FHAD1: variants seen among roughly 807,000 people sequenced by gnomAD.
FHAD1 encodes the protein forkhead associated phosphopeptide binding domain 1.
A neutral mutation model predicts 191.3 loss-of-function variants in FHAD1; 146 were observed. The ratio of observed to expected loss-of-function variants is 0.76; its 90% CI spans 0.67 to 0.88. FHAD1 has a LOEUF of 0.88. Ranked by LOEUF, FHAD1 falls within the 40% of genes least tolerant of loss-of-function variation. The probability of loss-of-function intolerance (pLI) is 0.00; values close to 1 mark genes in which losing one functional copy is unlikely to be tolerated. For synonymous variants in FHAD1, 616 were observed against 672.3 expected (o/e 0.92, Z 1.29); for missense variants, 1,635 against 1,785.8 (o/e 0.92, Z 1.52).
chr1:15,251,969 T>A (rs1646831399), intron 2 of FHAD1, 92 bp downstream of exon 2: 2 of 1,045,442 alleles, frequency 1.9e-6, no homozygotes, highest in South Asian at 1.6e-5. Context: ...CTCCAGTCTC[T>A]TGTACACCAC....
At chr1:15,284,886 C>T (rs1046320559) in intron 3 of FHAD1, among the ~76,000 whole-genome samples, 4 of 151,526 alleles carry the variant, frequency 2.6e-5, no homozygotes, top group Admixed American at 6.6e-5. Context: ...AAAACCACCA[C>T]GCCACACACC....
intron 28 of FHAD1, among the ~76,000 whole-genome samples, chr1:15,377,826 T>G (rs1700008192): frequency 6.6e-6 from 1 of 151,302 alleles, no homozygotes; most frequent in Admixed American, 6.6e-5. Context: ...AATGAGACTT[T>G]GTCTCAAAAA....
chr1:15,382,234 C>G (rs951223195), intron 31 of FHAD1, 41 bp downstream of exon 31: 7 of 1,539,662 alleles, frequency 4.5e-6, no homozygotes, highest in Non-Finnish European at 4.4e-6. Flanking sequence ...CCAGGCTGCC[C>G]TGCAGCTCCC....
Position 15,382,143 on chromosome 1 carries a change from C to T in FHAD1, c.4138C>T (p.His1380Tyr). 1 of 1,552,044 alleles carries T rather than the reference C, an allele frequency of 6.4e-7. No individual in the cohort carries two copies. Among genetic ancestry groups the T allele is most frequent in the African/African-American group, 1.4e-5 (1 of 73,142 alleles). Residue 1380 changes from histidine to tyrosine, a missense_variant, in exon 31 of 34, where the codon CAC becomes TAC. Physicochemically the swap from His to Tyr is moderately conservative, Grantham distance 83 (BLOSUM62 2). Transcript: ENST00000688493. ...GAAGGAGGCCCTGGAGCGCATGGAG[C>T]ACCAGCTGTGCCAGGAGAAGAGGAT... ...LLKEALERME[H>Y]QLCQEKRINR...
At chr1:15,362,865 G>T in intron 23 of FHAD1, 139 bp downstream of exon 23, 1 of 674,786 alleles carries the variant, frequency 1.5e-6, no homozygotes, top group Non-Finnish European at 2.6e-6. Flanking sequence ...TCCCAGTGCT[G>T]CTTCCATTTC....
chr1:15,389,162 G>A (rs1057288241), intron 32 of FHAD1, among the ~76,000 whole-genome samples: 8 of 152,114 alleles, frequency 5.3e-5, no homozygotes, highest in Non-Finnish European at 1.5e-5. Flanking sequence ...GATTTTGTGT[G>A]GGTAAAGAAT....
intron 21 of FHAD1, 127 bp downstream of exon 21, chr1:15,358,410 T>G: frequency 1.1e-6 from 1 of 889,056 alleles, no homozygotes; most frequent in Non-Finnish European, 1.7e-6. Context: ...GCCAAGTAGC[T>G]CTTTCCTGTC....
intron 2 of FHAD1, among the ~76,000 whole-genome samples, chr1:15,262,005 T>C (rs917381133): frequency 6.6e-6 from 1 of 152,138 alleles, no homozygotes; most frequent in African/African-American, 2.4e-5. Flanking sequence ...CAAGCCCCTG[T>C]GTTTTTAGCA....
intron 3 of FHAD1, among the ~76,000 whole-genome samples, chr1:15,281,595 A>G (rs1360345895): frequency 1.3e-5 from 2 of 151,944 alleles, no homozygotes; most frequent in Admixed American, 6.6e-5. Flanking sequence ...CCCCGTCTCT[A>G]CTAAAAATAC....
chr1:15,377,659 C>T (rs188109360), intron 28 of FHAD1, among the ~76,000 whole-genome samples: 9 of 151,950 alleles, frequency 5.9e-5, no homozygotes, highest in African/African-American at 1.9e-4. Context: ...GGCAACATGG[C>T]GAGACCCTGT....
At chr1:15,308,025 C>CG (rs1337495426) in intron 6 of FHAD1, among the ~76,000 whole-genome samples, 2 of 152,136 alleles carry the variant, frequency 1.3e-5, no homozygotes, top group Non-Finnish European at 2.9e-5. Flanking sequence ...CCACTGCGCC[C>CG]GGCCTAAACC....
chr1:15,356,407 A>G (rs115503628), intron 20 of FHAD1, among the ~76,000 whole-genome samples: 3,936 of 152,228 alleles, frequency 0.026, 167 homozygotes, highest in African/African-American at 0.088. Context: ...TTGCTTTACT[A>G]TTCCAGGATG....
In FHAD1 at chr1:15,301,373, C is replaced by T. The variant is rs1232898791; in HGVS notation, c.847C>T (p.Gln283Ter). The T allele has an allele frequency of 6.4e-7, 1 of 1,551,764 alleles. No homozygotes were observed. Among genetic ancestry groups the T allele is most frequent in the Non-Finnish European group, 8.7e-7 (1 of 1,147,018 alleles). ...TSRQNEKEISQKCQVLDEDID... is the reference protein window; with the variant it reads ...TSRQNEKEIS ...CAGGCAGAATGAGAAGGAGATCTCG[C>T]AGAAGTGTCAGGTTCTGGATGAAGA... Residue 283 changes from glutamine to a stop codon, truncating the protein, a stop_gained, in exon 6 of 34, where the codon CAG (glutamine) becomes TAG (stop). Transcript: ENST00000688493. LOFTEE classifies it high-confidence loss of function.
At chr1:15,356,422 G>T (rs1214164271) in intron 20 of FHAD1, among the ~76,000 whole-genome samples, 1 of 152,150 alleles carries the variant, frequency 6.6e-6, no homozygotes, top group Non-Finnish European at 1.5e-5. Flanking sequence ...AGGATGAGGG[G>T]TGATCATCTG....
At chr1:15,308,528 T>G in intron 6 of FHAD1, 85 bp from the exon 7 acceptor site, 1 of 1,506,518 alleles carries the variant, frequency 6.6e-7, no homozygotes, top group Non-Finnish European at 8.9e-7. Flanking sequence ...TCAATCTGAA[T>G]CTTTCTGTCA....
At chr1:15,371,120 G>A (rs552497710) in intron 26 of FHAD1, among the ~76,000 whole-genome samples, 2 of 152,190 alleles carry the variant, frequency 1.3e-5, no homozygotes, top group African/African-American at 2.4e-5. Flanking sequence ...GGGGGTGTGT[G>A]GCACTCCTGT....
intron 3 of FHAD1, among the ~76,000 whole-genome samples, chr1:15,275,549 G>A (rs567803300): frequency 6.6e-6 from 1 of 152,274 alleles, no homozygotes; most frequent in African/African-American, 2.4e-5. Flanking sequence ...AGAGACATTC[G>A]TGCAGGCTTC....
chr1:15,348,792 G>A (rs568603769), intron 18 of FHAD1, among the ~76,000 whole-genome samples: 3 of 152,060 alleles, frequency 2.0e-5, no homozygotes, highest in African/African-American at 7.2e-5. Context: ...CTGACAAAGG[G>A]TGTGGCTCTG....
intron 2 of FHAD1, among the ~76,000 whole-genome samples, chr1:15,253,097 C>T (rs1646986499): frequency 6.6e-6 from 1 of 151,584 alleles, no homozygotes; most frequent in African/African-American, 2.4e-5. Context: ...CCAGTGGTTA[C>T]TTACTATGTG....
Sources: gnomAD v4.1 joint callset for allele counts (sites outside exome capture counted in the v4.1 genomes callset) on GRCh38, gnomAD v4.1.1 for gene constraint, MANE v1.5 for transcripts, NCBI Gene and HGNC (gene_info 2026-07-23, HGNC 2026-07-21) for gene names.